MPPED1: variants seen among roughly 807,000 people sequenced by gnomAD.
MPPED1 encodes the protein metallophosphoesterase domain containing 1, also known as metallophosphoesterase domain-containing protein 1.
MPPED1 carries 16 observed loss-of-function variants against 36.2 expected under a neutral mutation model. That is an observed-to-expected ratio of 0.44 (90% confidence interval 0.30 to 0.67). MPPED1 has a LOEUF of 0.67. Ranked by LOEUF, MPPED1 falls within the 30% of genes least tolerant of loss-of-function variation. The pLI is 0.10. For synonymous variants in MPPED1, 199 were observed against 191.3 expected, an observed-to-expected ratio of 1.04 and a Z score of -0.33; for missense variants, 307 against 453.4, an observed-to-expected ratio of 0.68 and a Z score of 2.93.
intron 4 of MPPED1, among the ~76,000 whole-genome samples, chr22:43,486,920 A>C (rs1931929827): frequency 1.3e-5 from 2 of 152,182 alleles, no homozygotes; most frequent in African/African-American, 4.8e-5. Context: ...CAGAGGTCTC[A>C]GAGAGTTCTC....
intron 3 of MPPED1, among the ~76,000 whole-genome samples, chr22:43,470,761 T>G (rs1931347695): frequency 6.6e-6 from 1 of 152,256 alleles, no homozygotes; most frequent in African/African-American, 2.4e-5. Flanking sequence ...TTCGCCAGGT[T>G]TACCTGGGGA....
chr22:43,462,469 A>G (rs1373341872), intron 3 of MPPED1, among the ~76,000 whole-genome samples: 4 of 152,224 alleles, frequency 2.6e-5, no homozygotes, highest in Admixed American at 6.5e-5. Flanking sequence ...TAGATTTCTT[A>G]TAATGGGAAA....
chr22:43,440,497 C>T (rs1315245987), intron 3 of MPPED1, among the ~76,000 whole-genome samples: 2 of 152,210 alleles, frequency 1.3e-5, no homozygotes, highest in East Asian at 3.9e-4. Context: ...ACCCCAAGGC[C>T]CTGGCACTGC....
At chr22:43,487,816 C>T (rs1037627854) in intron 4 of MPPED1, among the ~76,000 whole-genome samples, 6 of 152,104 alleles carry the variant, frequency 3.9e-5, no homozygotes, top group African/African-American at 9.7e-5. Flanking sequence ...GTCTCTGAAA[C>T]GGGCGGGCCT....
intron 2 of MPPED1, among the ~76,000 whole-genome samples, chr22:43,426,119 G>A (rs1427588399): frequency 6.6e-6 from 1 of 152,178 alleles, no homozygotes; most frequent in East Asian, 1.9e-4. Context: ...TGAGGAACCA[G>A]GGGCCCAGGC....
At chr22:43,439,173 A>G (rs1457179173) in intron 3 of MPPED1, among the ~76,000 whole-genome samples, 2 of 152,148 alleles carry the variant, frequency 1.3e-5, no homozygotes, top group Admixed American at 6.5e-5. Flanking sequence ...GTGTCTATGC[A>G]TTGCCCGTTT....
At chr22:43,500,321 GAT>G (rs1932672645) in intron 5 of MPPED1, among the ~76,000 whole-genome samples, 1 of 143,950 alleles carries the variant, frequency 6.9e-6, no homozygotes, top group African/African-American at 2.6e-5. Context: ...TGGAGGTGGT[GAT>G]GGTGGTGGTG....
chr22:43,416,887 G>C, intron 1 of MPPED1: 1 of 630,338 alleles, frequency 1.6e-6, no homozygotes, highest in Non-Finnish European at 2.0e-6. Flanking sequence ...GCGTCTCGGG[G>C]CTCGTTCTGT....
At chr22:43,464,146 T>C (rs894802537) in intron 3 of MPPED1, among the ~76,000 whole-genome samples, 4 of 151,864 alleles carry the variant, frequency 2.6e-5, no homozygotes, top group Non-Finnish European at 5.9e-5. Context: ...TGACCTCAGG[T>C]GATCAGCCTG....
intron 2 of MPPED1, among the ~76,000 whole-genome samples, chr22:43,427,082 T>C (rs1300882646): frequency 6.6e-6 from 1 of 152,142 alleles, no homozygotes; most frequent in Non-Finnish European, 1.5e-5. Flanking sequence ...TCCTGCCCAG[T>C]GGGCAAGGAG....
chr22:43,436,341 G>A (rs960122955), intron 3 of MPPED1, among the ~76,000 whole-genome samples: 4 of 152,182 alleles, frequency 2.6e-5, no homozygotes, highest in African/African-American at 7.2e-5. Context: ...CGCCTCCCCA[G>A]GGGCGTCCCG....
intron 4 of MPPED1, among the ~76,000 whole-genome samples, chr22:43,480,826 C>CTT (rs538718282): frequency 0.018 from 2,492 of 137,864 alleles, 77 homozygotes; most frequent in African/African-American, 0.063. Flanking sequence ...CTTTTCTTTT[C>CTT]TTTTTTTTTT....
chr22:43,417,008 T>C (rs1929098330), intron 1 of MPPED1: 1 of 985,272 alleles, frequency 1.0e-6, no homozygotes, highest in Admixed American at 6.2e-5. Context: ...AGACAGGACA[T>C]GATCCAGTAA....
intron 3 of MPPED1, among the ~76,000 whole-genome samples, chr22:43,464,157 C>T (rs562395951): frequency 2.1e-4 from 32 of 152,186 alleles, no homozygotes; most frequent in African/African-American, 6.5e-4. Context: ...GATCAGCCTG[C>T]CTCAGCCTCC....
chr22:43,443,221 G>T (rs1008351572), intron 3 of MPPED1, among the ~76,000 whole-genome samples: 2 of 152,200 alleles, frequency 1.3e-5, no homozygotes, highest in Middle Eastern at 3.2e-3. Flanking sequence ...GCACAGTGGA[G>T]GCCTGTGGGC....
intron 3 of MPPED1, among the ~76,000 whole-genome samples, chr22:43,467,385 G>A (rs899882782): frequency 2.0e-5 from 3 of 152,236 alleles, no homozygotes; most frequent in Non-Finnish European, 4.4e-5. Context: ...AGCCTTGGCT[G>A]TTGGCCCAGA....
intron 2 of MPPED1, among the ~76,000 whole-genome samples, chr22:43,429,177 A>G (rs1929587517): frequency 6.6e-6 from 1 of 152,026 alleles, no homozygotes; most frequent in Non-Finnish European, 1.5e-5. Flanking sequence ...TCTCAGGTCA[A>G]TGTGGACACC....
rs1491212045 is a variant in MPPED1 at position 43,463,807 on chromosome 22, T to TTTTCTTTCTTTCTTTTTTTTTTC, written c.407-10914_407-10913insTTTTTTTCTTTCTTTCTTTCTTT. Reference sequence around the variant, plus strand: ...ACTGTGGTTGATTTTTCATTTTTTCTTTTCTTTCTTTCTTTCTTTCTTTCT... The same window carrying TTTTCTTTCTTTCTTTTTTTTTTC: ...ACTGTGGTTGATTTTTCATTTTTTCTTTTCTTTCTTTCTTTTTTTTTTCTTTCTTTCTTTCTTTCTTTCTTTCT... On this transcript the variant is annotated intron_variant, in intron 3 of 6. Coordinates refer to ENST00000443721, the MANE Select transcript of MPPED1 (RefSeq NM_001044370.2). Among the ~76,000 whole-genome samples the TTTTCTTTCTTTCTTTTTTTTTTC allele has an allele frequency of 6.0e-4, 68 of 113,004 alleles. 4 individuals are homozygous for TTTTCTTTCTTTCTTTTTTTTTTC. The highest frequency in any genetic ancestry group is 9.4e-4 in the Non-Finnish European group (51 of 54,444). 74.1% of individuals were successfully genotyped at this position (113,004 alleles called of 152,430 possible). A position where few individuals can be genotyped will look rare whatever the true frequency, so the allele number is the denominator to read the frequency against.
intron 1 of MPPED1, among the ~76,000 whole-genome samples, chr22:43,416,181 A>G (rs11703913): frequency 0.22 from 32,900 of 152,150 alleles, 4,877 homozygotes; most frequent in East Asian, 0.62. Context: ...TCCCTGCACA[A>G]TGCAGTGGTT....
Sources: gnomAD v4.1 joint callset for allele counts (sites outside exome capture counted in the v4.1 genomes callset) on GRCh38, gnomAD v4.1.1 for gene constraint, MANE v1.5 for transcripts, NCBI Gene and HGNC (gene_info 2026-07-23, HGNC 2026-07-21) for gene names.